IFT140: variants seen among roughly 807,000 people sequenced by gnomAD.
The protein encoded by IFT140 is intraflagellar transport protein 140 homolog.
IFT140 carries 133 observed loss-of-function variants against 164.6 expected under a neutral mutation model. The observed-to-expected ratio is 0.81, with a 90% confidence interval of 0.70 to 0.93. IFT140 has a LOEUF of 0.93. IFT140 is among the 40% of genes least tolerant of loss of function. The probability of loss-of-function intolerance (pLI) is 0.00; values close to 1 mark genes in which losing one functional copy is unlikely to be tolerated. For missense variants in IFT140, 2,045 were observed against 1,972.3 expected (o/e 1.04, Z -0.70); for synonymous variants, 860 against 817.3 (o/e 1.05, Z -0.89).
chr16:1,534,611 G>T, intron 19 of IFT140: 3 of 1,596,584 alleles, frequency 1.9e-6, no homozygotes, highest in South Asian at 2.2e-5. Context: ...GAGGGCACAT[G>T]GGAGATGTTA....
intron 9 of IFT140, 26 bp from the exon 10 acceptor site, chr16:1,586,301 G>T: frequency 6.3e-7 from 1 of 1,594,100 alleles, no homozygotes. Flanking sequence ...AACTGCATGT[G>T]AACAGAGTTA....
chr16:1,595,911 G>C (rs2035441618), intron 4 of IFT140, among the ~76,000 whole-genome samples: 1 of 151,924 alleles, frequency 6.6e-6, no homozygotes, highest in South Asian at 2.1e-4. Context: ...ATATTAGCTG[G>C]GTGTGATGGT....
At chr16:1,526,388 C>CCAGGCCCACACACCTGA in intron 20 of IFT140, 1 of 525,196 alleles carries the variant, frequency 1.9e-6, no homozygotes, top group East Asian at 3.6e-5. Flanking sequence ...GCGCTCTGTT[C>CCAGGCCCACACACCTGA]CAGGCCCACA....
intron 18 of IFT140, among the ~76,000 whole-genome samples, chr16:1,561,169 G>A (rs980716162): frequency 3.9e-5 from 6 of 152,238 alleles, no homozygotes; most frequent in Non-Finnish European, 8.8e-5. Flanking sequence ...TGAAGCGAGG[G>A]GAGCAGCTCT....
intron 30 of IFT140, among the ~76,000 whole-genome samples, chr16:1,513,642 T>C (rs764898679): frequency 9.8e-4 from 147 of 149,942 alleles, no homozygotes; most frequent in Middle Eastern, 3.6e-3. Flanking sequence ...TGGGTGGCAC[T>C]GGGCAGGCTT....
chr16:1,520,803 C>T lies in IFT140; in HGVS notation c.3459G>A (p.Gln1153=), dbSNP rs747050714. ...GCCCCAGGCACAGCTGCAGGGCTTC[C>T]TGATACTGCAAAGGTGCAGAAATGG... is the stretch of plus-strand genomic sequence containing the variant. ...VELLLAARKY[Q]EALQLCLGQN... Residue 1153 remains glutamine (Q), a synonymous_variant, in exon 27 of 31, where the codon CAG becomes CAA. Transcript: ENST00000426508. The T allele has an allele frequency of 6.2e-7, 1 of 1,602,562 alleles. No individual in the cohort carries two copies. The highest frequency in any genetic ancestry group is 8.5e-7 in the Non-Finnish European group (1 of 1,179,820).
chr16:1,590,526 C>T (rs938671772), intron 6 of IFT140, among the ~76,000 whole-genome samples: 8 of 152,180 alleles, frequency 5.3e-5, no homozygotes, highest in South Asian at 2.1e-4. Context: ...CCTCTCTCAA[C>T]CTCCACAAGC....
At chr16:1,569,045 C>G (rs1353126900) in intron 14 of IFT140, among the ~76,000 whole-genome samples, 1 of 147,468 alleles carries the variant, frequency 6.8e-6, no homozygotes, top group Admixed American at 6.8e-5. Flanking sequence ...CGCCCTGTTG[C>G]CCAGGCTGGA....
chr16:1,548,662 C>T (rs2032376337), intron 19 of IFT140, among the ~76,000 whole-genome samples: 1 of 152,176 alleles, frequency 6.6e-6, no homozygotes, highest in Non-Finnish European at 1.5e-5. Flanking sequence ...GAATGGAAAA[C>T]TCAAAGGTTT....
chr16:1,587,866 G>A, intron 8 of IFT140, 67 bp downstream of exon 8: 1 of 1,252,618 alleles, frequency 8.0e-7, no homozygotes, highest in Non-Finnish European at 1.1e-6. Context: ...CCAACACAAA[G>A]CTGACTTAGA....
chr16:1,524,699 G>C lies in IFT140; in HGVS notation c.2998-4C>G, dbSNP rs764678988. ...TCTCGTTGGCTATTTGCGCAGCCTA[G>C]AAAGACAAAGAACCCAAAGACGAGA... On this transcript the variant is annotated splice_region_variant and splice_polypyrimidine_tract_variant and intron_variant, in intron 23 of 30. Coordinates refer to ENST00000426508, the MANE Select transcript of IFT140 (RefSeq NM_014714.4). 1 of 1,575,556 alleles carries C rather than the reference G, an allele frequency of 6.3e-7. No individual in the cohort carries two copies. The highest frequency in any genetic ancestry group is 8.7e-7 in the Non-Finnish European group (1 of 1,154,408).
chr16:1,523,288 G>T (rs1303670257), intron 26 of IFT140, among the ~76,000 whole-genome samples: 1 of 152,008 alleles, frequency 6.6e-6, no homozygotes, highest in Non-Finnish European at 1.5e-5. Context: ...CACCATAGGT[G>T]AGTGCACCAT....
chr16:1,514,985 G>A (rs1181608279), intron 30 of IFT140, among the ~76,000 whole-genome samples: 1 of 152,106 alleles, frequency 6.6e-6, no homozygotes, highest in Non-Finnish European at 1.5e-5. Context: ...AAGATTGCTG[G>A]AGAGGTTAAC....
In IFT140 at chr16:1,544,983, C is replaced by T. The variant is rs187777633; in HGVS notation, c.2399+12952G>A. Among the ~76,000 whole-genome samples the T allele has an allele frequency of 9.6e-4, 147 of 152,338 alleles. 1 individual carries two copies. The highest frequency in any genetic ancestry group is 4.6e-4 in the Admixed American group (7 of 15,304). ...CATTTCTTAATAAATCTCCTTGAAA[C>T]TCTTGTTTAGAATTATTAGGACTAC... is the stretch of plus-strand genomic sequence containing the variant. On this transcript the variant is annotated intron_variant, in intron 19 of 30. Transcript: ENST00000426508.
At position 1,537,249 on chromosome 16, in the gene IFT140, G is replaced by A. The variant is rs539893260; in HGVS notation, c.2400-10453C>T. On this transcript the variant is annotated intron_variant, in intron 19 of 30. Coordinates refer to ENST00000426508, the MANE Select transcript of IFT140 (RefSeq NM_014714.4). The stretch of plus-strand genomic sequence containing the variant: ...AGGCCAGGGAAGACAACGCCACACC[G>A]CGTGCCTCCTCACGCACACCAGGCC... Among the ~76,000 whole-genome samples the A allele has an allele frequency of 5.8e-4, 88 of 152,364 alleles. No individual in the cohort carries two copies. In the East Asian group the frequency reaches 8.9e-3, roughly 15 times the overall value.
chr16:1,562,975 A>G (rs771435944), intron 17 of IFT140, among the ~76,000 whole-genome samples: 1 of 152,088 alleles, frequency 6.6e-6, no homozygotes, highest in Non-Finnish European at 1.5e-5. Context: ...AGGGAAGGCA[A>G]AGCCTTTCCT....
intron 4 of IFT140, among the ~76,000 whole-genome samples, chr16:1,594,759 C>T (rs1040209211): frequency 5.9e-5 from 9 of 152,178 alleles, no homozygotes; most frequent in Admixed American, 1.3e-4. Context: ...TGCGGTTAGG[C>T]GGCACCCAGG....
At position 1,610,819 on chromosome 16, in the gene IFT140, C is replaced by G. The variant is rs1040228050; in HGVS notation, c.-187G>C. The G allele has an allele frequency of 2.6e-5, 4 of 152,298 alleles. No homozygotes were observed. The highest frequency in any genetic ancestry group is 5.9e-5 in the Non-Finnish European group (4 of 67,406). The allele number at this position is 152,298 out of a possible 1,614,324, so 9.4% of individuals were successfully genotyped here. On this transcript the variant is annotated 5_prime_UTR_variant, in exon 2 of 31. Coordinates refer to ENST00000426508, the MANE Select transcript of IFT140 (RefSeq NM_014714.4). ...GCGATCGGGCACGCACGTGCAGCTCCGAGGCCCGAGCGTCGGGGGCCAGGT... is the reference window on the plus strand; with the variant it reads ...GCGATCGGGCACGCACGTGCAGCTCGGAGGCCCGAGCGTCGGGGGCCAGGT...
At chr16:1,577,972 C>CCA (rs1555490083) in intron 13 of IFT140, 2 of 152,024 alleles carry the variant, frequency 1.3e-5, no homozygotes, top group African/African-American at 4.8e-5. Flanking sequence ...ATGGCAGCAA[C>CCA]AAGTGTGCTT....
Sources: gnomAD v4.1 joint callset for allele counts (sites outside exome capture counted in the v4.1 genomes callset) on GRCh38, gnomAD v4.1.1 for gene constraint, MANE v1.5 for transcripts, NCBI Gene and HGNC (gene_info 2026-07-23, HGNC 2026-07-21) for gene names.